The following RAD18 variants were observed in gnomAD, a reference collection of about 807,000 sequenced individuals.
RAD18 encodes the protein RAD18 E3 ubiquitin protein ligase.
A neutral mutation model predicts 60.4 loss-of-function variants in RAD18; 47 were observed. That is an observed-to-expected ratio of 0.78 (90% CI 0.62 to 0.99). The LOEUF is 0.99. Ranked by LOEUF, RAD18 falls within the 50% of genes least tolerant of loss-of-function variation. The probability of loss-of-function intolerance (pLI) is 0.00; values close to 1 mark genes in which losing one functional copy is unlikely to be tolerated. For synonymous variants in RAD18, 225 were observed against 195.5 expected (o/e 1.15, Z -1.26); for missense variants, 640 against 593.3 (o/e 1.08, Z -0.82).
chr3:8,900,728 T>C (rs1434772047), intron 10 of RAD18, among the ~76,000 whole-genome samples: 13 of 152,178 alleles, frequency 8.5e-5, no homozygotes, highest in Admixed American at 2.0e-4. Flanking sequence ...AACAATTATA[T>C]TGGTTGTATG....
rs569354243 is a variant in RAD18 at position 8,922,341 on chromosome 3, T to C, written c.890-8621A>G. Among the ~76,000 whole-genome samples, 66 of 152,284 alleles carry C rather than the reference T, an allele frequency of 4.3e-4. No homozygotes were observed. The South Asian group carries it at 0.013, about 30-fold the overall frequency. ...ACGCCCACAGAGCCTCGCTCATTGC[T>C]AGCACAGCAGTCTGAGATCAAACTG... On this transcript the variant is annotated intron_variant, in intron 7 of 12. Coordinates refer to ENST00000264926, the MANE Select transcript of RAD18 (RefSeq NM_020165.4).
intron 11 of RAD18, among the ~76,000 whole-genome samples, chr3:8,895,483 C>T (rs143597898): frequency 0.027 from 4,145 of 152,214 alleles, 96 homozygotes; most frequent in South Asian, 0.036. Flanking sequence ...CTAATAATTC[C>T]AATACCCTCT....
At chr3:8,942,441 T>C (rs1364839206) in intron 4 of RAD18, among the ~76,000 whole-genome samples, 1 of 152,178 alleles carries the variant, frequency 6.6e-6, no homozygotes, top group Non-Finnish European at 1.5e-5. Flanking sequence ...CAATTAAACC[T>C]CTTTTCTTTG....
intron 2 of RAD18, among the ~76,000 whole-genome samples, chr3:8,956,236 C>T (rs1048395762): frequency 2.0e-5 from 3 of 152,168 alleles, no homozygotes; most frequent in Admixed American, 6.5e-5. Context: ...AGCATCATTA[C>T]TCTTGTGCTT....
At chr3:8,943,310 C>T (rs1940786199) in intron 4 of RAD18, among the ~76,000 whole-genome samples, 1 of 145,592 alleles carries the variant, frequency 6.9e-6, no homozygotes, top group South Asian at 2.2e-4. Context: ...TAGGTAAGGA[C>T]TTCAAACTAT....
chr3:8,922,131 G>A (rs1940333078), intron 7 of RAD18, among the ~76,000 whole-genome samples: 1 of 152,228 alleles, frequency 6.6e-6, no homozygotes, highest in Admixed American at 6.5e-5. Context: ...AGCTGAAGCA[G>A]GGCGAGGCAT....
chr3:8,943,210 A>G (rs1940784672), intron 4 of RAD18, among the ~76,000 whole-genome samples: 1 of 152,346 alleles, frequency 6.6e-6, no homozygotes, highest in East Asian at 1.9e-4. Context: ...ATTATTGAAC[A>G]TGCAAAGAAG....
At chr3:8,920,151 C>T (rs1302341852) in intron 7 of RAD18, among the ~76,000 whole-genome samples, 4 of 151,898 alleles carry the variant, frequency 2.6e-5, no homozygotes, top group South Asian at 2.1e-4. Context: ...GCATGGCATG[C>T]GCCTGTAGTC....
Position 8,941,905 on chromosome 3 carries a change from T to C in RAD18, c.267-101A>G, listed in dbSNP as rs905413578. The stretch of plus-strand genomic sequence containing the variant: ...TCCCAATTAACCTTGTTTTCTGAAA[T>C]ACAGGACCTATACTATAATGACAAC... On this transcript the variant is annotated intron_variant, in intron 4 of 12. Coordinates refer to ENST00000264926, the MANE Select transcript of RAD18 (RefSeq NM_020165.4). The C allele has an allele frequency of 3.7e-6, 4 of 1,082,660 alleles. No individual in the cohort carries two copies. In the African/African-American group the frequency reaches 6.3e-5, roughly 17 times the overall value. 67.1% of individuals were successfully genotyped at this position (1,082,660 alleles called of 1,614,324 possible). A position where few individuals can be genotyped will look rare whatever the true frequency, so the allele number is the denominator to read the frequency against.
At chr3:8,908,119 T>C (rs341781) in intron 9 of RAD18, among the ~76,000 whole-genome samples, 83,397 of 151,996 alleles carry the variant, frequency 0.55, 26,450 homozygotes, top group Middle Eastern at 0.71. Flanking sequence ...ACCTCTCTCT[T>C]TCCTTTGGGT....
chr3:8,881,505 T>A, intron 12 of RAD18, 46 bp from the exon 13 acceptor site: 1 of 1,435,664 alleles, frequency 7.0e-7, no homozygotes, highest in Non-Finnish European at 9.8e-7. Flanking sequence ...TAATGATTAT[T>A]GTACAGCAGT....
At chr3:8,890,838 G>A (rs1346806148) in intron 11 of RAD18, among the ~76,000 whole-genome samples, 3 of 152,212 alleles carry the variant, frequency 2.0e-5, no homozygotes, top group Middle Eastern at 3.4e-3. Flanking sequence ...AAACAAAGCT[G>A]AAGCTGTTTT....
chr3:8,945,452 T>C (rs1340738108), intron 4 of RAD18, among the ~76,000 whole-genome samples: 1 of 149,980 alleles, frequency 6.7e-6, no homozygotes, highest in Non-Finnish European at 1.5e-5. Flanking sequence ...TAGGCTAATG[T>C]GTGTGTTTCC....
chr3:8,912,257 G>T, intron 9 of RAD18, 55 bp downstream of exon 9: 1 of 1,293,160 alleles, frequency 7.7e-7, no homozygotes. Flanking sequence ...AATTACTTAA[G>T]ATGAAAAACA....
At chr3:8,925,200 T>C (rs1318131393) in intron 7 of RAD18, among the ~76,000 whole-genome samples, 2 of 149,884 alleles carry the variant, frequency 1.3e-5, no homozygotes, top group Non-Finnish European at 3.0e-5. Context: ...AAGAATCAAA[T>C]AGACGCAATA....
At chr3:8,940,576 A>G (rs1940730315) in intron 5 of RAD18, among the ~76,000 whole-genome samples, 1 of 152,220 alleles carries the variant, frequency 6.6e-6, no homozygotes, top group Non-Finnish European at 1.5e-5. Context: ...GATGTCTAAG[A>G]GTTTCTGCCT....
intron 10 of RAD18, among the ~76,000 whole-genome samples, chr3:8,900,833 A>G (rs1939897697): frequency 6.6e-6 from 1 of 152,196 alleles, no homozygotes; most frequent in Admixed American, 6.5e-5. Flanking sequence ...ATGCACAGCA[A>G]TCTAAAAGCA....
intron 6 of RAD18, among the ~76,000 whole-genome samples, chr3:8,936,691 C>A (rs1447837661): frequency 3.3e-5 from 5 of 152,104 alleles, no homozygotes; most frequent in Non-Finnish European, 4.4e-5. Flanking sequence ...TAGGTTTATC[C>A]AAAAAACAAG....
intron 1 of RAD18, among the ~76,000 whole-genome samples, chr3:8,962,761 C>A (rs988391412): frequency 8.5e-5 from 13 of 152,184 alleles, no homozygotes; most frequent in African/African-American, 2.9e-4. Context: ...AAGATCAGCG[C>A]TGAGCCTGAG....
Sources: gnomAD v4.1 joint callset for allele counts (sites outside exome capture counted in the v4.1 genomes callset) on GRCh38, gnomAD v4.1.1 for gene constraint, MANE v1.5 for transcripts, NCBI Gene and HGNC (gene_info 2026-07-23, HGNC 2026-07-21) for gene names.